Variants in ZNF583 observed in about 807,000 individuals in gnomAD.
ZNF583 encodes the protein zinc finger protein 583, also known as zinc finger protein L3-5.
Under a neutral mutation model 55.3 loss-of-function variants are expected in ZNF583, and 30 were observed. The ratio of observed to expected loss-of-function variants is 0.54; its 90% CI spans 0.41 to 0.74. The LOEUF (loss-of-function observed/expected upper bound fraction) is 0.74, where lower values mean the gene tolerates loss of function less well. ZNF583 is among the 30% of genes least tolerant of loss of function. The pLI is 0.00. For synonymous variants in ZNF583, 208 were observed against 220.0 expected, an observed-to-expected ratio of 0.95 and a Z score of 0.48; for missense variants, 504 against 664.7, an observed-to-expected ratio of 0.76 and a Z score of 2.66.
In ZNF583 at chr19:56,423,302, A is replaced by G; in HGVS notation, c.644A>G (p.Asn215Ser). ...GTAGAAAAGAAACTTTTGAAATGTA[A>G]TGATTGTGAGAAAGTCTTCAACCAG... ...VYVEKKLLKCNDCEKVFNQSS... is the reference protein window; with the variant it reads ...VYVEKKLLKCSDCEKVFNQSS... The change falls in exon 5 of 5, where the codon AAT becomes AGT. Residue 215 changes from asparagine to serine, a missense_variant. This residue lies in a region of ZNF583 where 237 missense variants were observed against 373.0 expected (regional missense o/e 0.64). Coordinates refer to ENST00000333201, the MANE Select transcript of ZNF583 (RefSeq NM_152478.3). 6.2e-7 allele frequency: 1 copy of G among 1,610,216 alleles called. No individual in the cohort carries two copies. The highest frequency in any genetic ancestry group is 8.5e-7 in the Non-Finnish European group (1 of 1,179,024).
chr19:56,424,510 A>T lies in ZNF583; in HGVS notation c.*142A>T. On this transcript the variant is annotated 3_prime_UTR_variant, in exon 5 of 5. Coordinates refer to ENST00000333201, the MANE Select transcript of ZNF583 (RefSeq NM_152478.3). Reference sequence around the variant, plus strand: ...ACCATTGTCTCTGTCAGATGTCCACATTGCAACCAAATTTGTATTTTTAAA... The same window carrying T: ...ACCATTGTCTCTGTCAGATGTCCACTTTGCAACCAAATTTGTATTTTTAAA... 1.9e-6 allele frequency: 1 copy of T among 535,050 alleles called. No individual in the cohort carries two copies. Among genetic ancestry groups the T allele is most frequent in the East Asian group, 2.9e-5 (1 of 34,084 alleles). The allele number at this position is 535,050 out of a possible 1,614,324, so 33.1% of individuals were successfully genotyped here. A position where few individuals can be genotyped will look rare whatever the true frequency, so the allele number is the denominator to read the frequency against.
chr19:56,405,343 G>T (rs117728815), intron 1 of ZNF583, among the ~76,000 whole-genome samples: 2 of 152,312 alleles, frequency 1.3e-5, no homozygotes, highest in East Asian at 3.9e-4. Context: ...ATGACCCATT[G>T]TGAGAGCAGG....
rs903201911 is a variant in ZNF583 at position 56,404,469 on chromosome 19, G to A, written c.-90+17G>A. The stretch of plus-strand genomic sequence containing the variant: ...GAGGAGGCGGTGAGGAGCGCGGGAT[G>A]GAGCTGACGCCGGGAGCGGCCATGC... On this transcript the variant is annotated intron_variant, in intron 1 of 4. Transcript: ENST00000333201. The surrounding 1 kb of genome is among the most constrained non-coding windows in gnomAD (Gnocchi z 5.2). The A allele has an allele frequency of 6.5e-6, 1 of 153,274 alleles. No homozygotes were observed. The highest frequency in any genetic ancestry group is 1.5e-5 in the Non-Finnish European group (1 of 68,750). 9.5% of individuals were successfully genotyped at this position (153,274 alleles called of 1,614,324 possible).
Position 56,423,376 on chromosome 19 carries a change from T to G in ZNF583, c.718T>G (p.Tyr240Asp). 1 of 1,614,108 alleles carries G rather than the reference T, an allele frequency of 6.2e-7. No individual in the cohort carries two copies. Among genetic ancestry groups the G allele is most frequent in the Non-Finnish European group, 8.5e-7 (1 of 1,179,992 alleles). Residue 240 changes from tyrosine (Y) to aspartate (D), a missense_variant, in exon 5 of 5, where the codon TAT becomes GAT. This residue lies in a region of ZNF583 where 237 missense variants were observed against 373.0 expected (regional missense o/e 0.64). Transcript: ENST00000333201. ...HQRIHTGEKP[Y>D]ACVECGKTFS... is the part of the protein sequence containing the mutation. ...GAGAATTCATACTGGAGAGAAACCC[T>G]ATGCATGTGTTGAATGTGGGAAAAC...
At position 56,424,415 on chromosome 19, in the gene ZNF583, T is replaced by A. The variant is rs2042472891; in HGVS notation, c.*47T>A. 2.5e-6 allele frequency: 2 copies of A among 796,016 alleles called. No homozygotes were observed. Among genetic ancestry groups the A allele is most frequent in the African/African-American group, 3.4e-5 (2 of 58,038 alleles). The allele number at this position is 796,016 out of a possible 1,614,324, so 49.3% of individuals were successfully genotyped here. ...TGAATCCATTTCCATCCCATCATCC[T>A]TGTCCAATGCACATTAATATATTTG... On this transcript the variant is annotated 3_prime_UTR_variant, in exon 5 of 5. Transcript: ENST00000333201.
chr19:56,423,698 C>G lies in ZNF583; in HGVS notation c.1040C>G (p.Thr347Arg), dbSNP rs1224873548. Reference protein sequence around the residue: ...SFLAQHQRIHTGEKPYVCNVC... With the variant: ...SFLAQHQRIHRGEKPYVCNVC... ...CTTGCTCAGCATCAGAGAATTCATA[C>G]AGGAGAGAAACCTTATGTGTGTAAT... Residue 347 changes from threonine (T) to arginine (R), a missense_variant, in exon 5 of 5, where the codon ACA (threonine) becomes AGA (arginine). Thr to Arg is a moderately conservative substitution (Grantham distance 71). Transcript: ENST00000333201. 6.2e-7 allele frequency: 1 copy of G among 1,613,950 alleles called. No individual in the cohort carries two copies. Among genetic ancestry groups the G allele is most frequent in the Admixed American group, 1.7e-5 (1 of 59,998 alleles).
intron 1 of ZNF583, among the ~76,000 whole-genome samples, chr19:56,406,437 A>G (rs139974559): frequency 6.6e-6 from 1 of 152,068 alleles, no homozygotes; most frequent in Non-Finnish European, 1.5e-5. Flanking sequence ...AGAGGGGGAA[A>G]TCCTTGCTTG....
rs944053675 is a variant in ZNF583 at position 56,424,396 on chromosome 19, C to T, written c.*28C>T. The T allele has an allele frequency of 4.3e-6, 4 of 933,578 alleles. No homozygotes were observed. Among genetic ancestry groups the T allele is most frequent in the South Asian group, 1.4e-5 (1 of 69,308 alleles). The allele number at this position is 933,578 out of a possible 1,614,324, so 57.8% of individuals were successfully genotyped here. On this transcript the variant is annotated 3_prime_UTR_variant, in exon 5 of 5. Transcript: ENST00000333201. ...ATTTCTGGAATCCACCTCTTGAATC[C>T]ATTTCCATCCCATCATCCTTGTCCA...
chr19:56,425,769 A>G lies in ZNF583; in HGVS notation c.*1401A>G, dbSNP rs143720250. 1.2e-4 allele frequency: 18 copies of G among 152,340 alleles called. No homozygotes were observed. The highest frequency in any genetic ancestry group is 4.3e-4 in the African/African-American group (18 of 41,562). 9.4% of individuals were successfully genotyped at this position (152,340 alleles called of 1,614,324 possible). A position where few individuals can be genotyped will look rare whatever the true frequency, so the allele number is the denominator to read the frequency against. ...AGAAAAGAAACCAAAACTGTAGGTC[A>G]GTTCTCATAAACTGGCCCACAAACA... On this transcript the variant is annotated 3_prime_UTR_variant, in exon 5 of 5. Transcript: ENST00000333201.
At chr19:56,417,685 T>C (rs1280786851) in intron 4 of ZNF583, among the ~76,000 whole-genome samples, 1 of 152,226 alleles carries the variant, frequency 6.6e-6, no homozygotes, top group Non-Finnish European at 1.5e-5. Context: ...AATTTATTAA[T>C]TTGTCTTGGT....
intron 2 of ZNF583, among the ~76,000 whole-genome samples, chr19:56,413,753 C>A (rs2147575626): frequency 6.6e-6 from 1 of 152,340 alleles, no homozygotes; most frequent in African/African-American, 2.4e-5. Flanking sequence ...AAATTGTATA[C>A]TTTCCATGAC....
intron 2 of ZNF583, among the ~76,000 whole-genome samples, chr19:56,411,024 A>G (rs903080831): frequency 1.3e-5 from 2 of 151,746 alleles, no homozygotes; most frequent in Admixed American, 6.6e-5. Context: ...CCTGTAATCA[A>G]TCCCAGCATC....
intron 4 of ZNF583, 59 bp downstream of exon 4, chr19:56,414,499 G>GA (rs2042288001): frequency 6.6e-7 from 1 of 1,505,236 alleles, no homozygotes; most frequent in South Asian, 1.2e-5. Context: ...CAGCAATTCT[G>GA]AAAGATTTCA....
intron 4 of ZNF583, 66 bp downstream of exon 4, chr19:56,414,506 T>A: frequency 6.8e-7 from 1 of 1,466,128 alleles, no homozygotes; most frequent in South Asian, 1.2e-5. Context: ...TCTGAAAGAT[T>A]TCAGTTCATA....
chr19:56,419,738 A>G (rs2042385056), intron 4 of ZNF583, among the ~76,000 whole-genome samples: 1 of 152,186 alleles, frequency 6.6e-6, no homozygotes, highest in African/African-American at 2.4e-5. Flanking sequence ...TTGTTGAATC[A>G]GCTTTGGTAG....
intron 3 of ZNF583, 122 bp downstream of exon 3, chr19:56,414,207 A>G: frequency 6.6e-7 from 1 of 1,511,158 alleles, no homozygotes; most frequent in Non-Finnish European, 9.1e-7. Context: ...AATAGGTTGA[A>G]TTTGTAGAAT....
rs530539800 is a variant in ZNF583 at position 56,423,582 on chromosome 19, T to A, written c.924T>A (p.Ile308=). 1 of 1,613,588 alleles carries A rather than the reference T, an allele frequency of 6.2e-7. No homozygotes were observed. The highest frequency in any genetic ancestry group is 8.5e-7 in the Non-Finnish European group (1 of 1,179,936). Reference sequence around the variant, plus strand: ...AATGTAAAAAAGCCTTCAGCCAGATTGCACACCTGACTCAGCATCAGAGAG... The same window carrying A: ...AATGTAAAAAAGCCTTCAGCCAGATAGCACACCTGACTCAGCATCAGAGAG... The part of the protein sequence containing the change: ...CKECKKAFSQ[I]AHLTQHQRVH... Residue 308 remains isoleucine (I), a synonymous_variant, in exon 5 of 5, where the codon ATT becomes ATA. Transcript: ENST00000333201.
At chr19:56,417,954 G>T (rs537926229) in intron 4 of ZNF583, among the ~76,000 whole-genome samples, 1 of 151,798 alleles carries the variant, frequency 6.6e-6, no homozygotes, top group South Asian at 2.1e-4. Flanking sequence ...ATCATTACTT[G>T]ACCACATATG....
Position 56,424,919 on chromosome 19 carries a change from ATAAAG to A in ZNF583, c.*555_*559del, listed in dbSNP as rs1464562323. On this transcript the variant is annotated 3_prime_UTR_variant, in exon 5 of 5. Transcript: ENST00000333201. ...TAAATTGCTCAGCAGCGTGCCTAGCATAAAGTAATTACTCAAACCATAATGTAAAG... is the reference window on the plus strand; with the variant it reads ...TAAATTGCTCAGCAGCGTGCCTAGCATAATTACTCAAACCATAATGTAAAG... 2.0e-5 allele frequency: 3 copies of A among 153,618 alleles called. No homozygotes were observed. The highest frequency in any genetic ancestry group is 4.8e-5 in the African/African-American group (2 of 41,476). The allele number at this position is 153,618 out of a possible 1,614,324, so 9.5% of individuals were successfully genotyped here.
Sources: gnomAD v4.1 joint callset for allele counts (sites outside exome capture counted in the v4.1 genomes callset) on GRCh38, gnomAD v4.1.1 for gene constraint, gnomAD v4.1.1 regional missense constraint, Gnocchi (gnomAD v3.1) non-coding constraint, MANE v1.5 for transcripts, NCBI Gene and HGNC (gene_info 2026-07-23, HGNC 2026-07-21) for gene names.